GPC5: variants seen among roughly 807,000 people sequenced by gnomAD.
GPC5 encodes the protein glypican 5, also known as glypican-5.
In GPC5, 47 loss-of-function variants were observed where a neutral mutation model predicts 53.9. The ratio of observed to expected loss-of-function variants is 0.87; its 90% CI spans 0.69 to 1.11. GPC5 has a LOEUF of 1.11. Ranked by LOEUF, GPC5 falls within the 50% of genes most tolerant of loss-of-function variation. GPC5 has a pLI of 0.00. For synonymous variants in GPC5, 286 were observed against 263.3 expected (o/e 1.09, Z -0.84); for missense variants, 748 against 713.1 (o/e 1.05, Z -0.56).
chr13:92,170,420 CTTTTTTTTTT>C (rs61418155), intron 7 of GPC5, among the ~76,000 whole-genome samples: 1 of 75,260 alleles, frequency 1.3e-5, no homozygotes, highest in Admixed American at 2.1e-4. Context: ...CTTTTCTTTG[CTTTTTTTTTT>C]TTTTTTTTTT....
At chr13:92,381,962 G>GTATGTATGTATCTATC (rs1555331686) in intron 7 of GPC5, among the ~76,000 whole-genome samples, 18 of 126,296 alleles carry the variant, frequency 1.4e-4, no homozygotes, top group Middle Eastern at 4.0e-3. Context: ...ATGTATGTAT[G>GTATGTATGTATCTATC]TATCTATCTA....
At chr13:91,656,989 C>A (rs2034860784) in intron 2 of GPC5, among the ~76,000 whole-genome samples, 1 of 152,102 alleles carries the variant, frequency 6.6e-6, no homozygotes, top group South Asian at 2.1e-4. Flanking sequence ...TGGGAACAAT[C>A]CAGGCTCTAC....
chr13:91,470,892 A>G (rs757309295), intron 2 of GPC5, among the ~76,000 whole-genome samples: 1 of 152,134 alleles, frequency 6.6e-6, no homozygotes, highest in African/African-American at 2.4e-5. Context: ...TACCTGGCTC[A>G]ATGGTCCTTT....
chr13:91,816,167 G>A (rs1377088268), intron 5 of GPC5, among the ~76,000 whole-genome samples: 19 of 152,116 alleles, frequency 1.2e-4, no homozygotes, highest in Non-Finnish European at 2.5e-4. Flanking sequence ...ATTTATTTGC[G>A]TGTTGACTGC....
intron 7 of GPC5, among the ~76,000 whole-genome samples, chr13:92,388,338 G>A (rs930503233): frequency 6.6e-6 from 1 of 151,936 alleles, no homozygotes; most frequent in African/African-American, 2.4e-5. Flanking sequence ...GATAAGCTTA[G>A]TATTACCTTA....
At chr13:91,876,455 A>G (rs1247459651) in intron 5 of GPC5, among the ~76,000 whole-genome samples, 1 of 152,188 alleles carries the variant, frequency 6.6e-6, no homozygotes, top group Admixed American at 6.5e-5. Flanking sequence ...GAGATGAGGA[A>G]GTAGTTGGGA....
intron 6 of GPC5, among the ~76,000 whole-genome samples, chr13:92,058,179 T>A (rs117121294): frequency 2.0e-5 from 3 of 152,272 alleles, no homozygotes; most frequent in Non-Finnish European, 2.9e-5. Context: ...TTAGATTTTT[T>A]AAAAAATATA....
chr13:92,162,588 G>A (rs1165035448), intron 7 of GPC5, among the ~76,000 whole-genome samples: 1 of 152,188 alleles, frequency 6.6e-6, no homozygotes, highest in East Asian at 1.9e-4. Flanking sequence ...ACAAAAACGT[G>A]AAGCAGAAAC....
intron 5 of GPC5, among the ~76,000 whole-genome samples, chr13:91,867,899 A>G (rs1387461331): frequency 6.6e-6 from 1 of 152,116 alleles, no homozygotes; most frequent in East Asian, 1.9e-4. Flanking sequence ...TCATGTTGCT[A>G]TAATATCTGT....
At chr13:92,584,350 TGACTCTTGCTATGTTTTAGCAAAAA>T (rs1883467382) in intron 7 of GPC5, among the ~76,000 whole-genome samples, 1 of 152,062 alleles carries the variant, frequency 6.6e-6, no homozygotes, top group Non-Finnish European at 1.5e-5. Flanking sequence ...GGAGCAAAGG[TGACTCTTGCTATGTTTTAGCAAAAA>T]GACTTGCAGG....
chr13:92,237,121 C>G (rs1299201047), intron 7 of GPC5, among the ~76,000 whole-genome samples: 2 of 152,122 alleles, frequency 1.3e-5, no homozygotes, highest in Admixed American at 6.6e-5. Context: ...TGAGCTTTTG[C>G]ATGAGCTCAG....
intron 7 of GPC5, among the ~76,000 whole-genome samples, chr13:92,604,605 G>C (rs1305909796): frequency 6.6e-6 from 1 of 152,084 alleles, no homozygotes; most frequent in Admixed American, 6.5e-5. Context: ...TTAACTTCTT[G>C]TACTATTGTT....
chr13:92,015,895 C>A (rs2040702565), intron 6 of GPC5, among the ~76,000 whole-genome samples: 1 of 151,824 alleles, frequency 6.6e-6, no homozygotes, highest in Non-Finnish European at 1.5e-5. Flanking sequence ...CTTTTAAATG[C>A]TTACACAAAA....
intron 2 of GPC5, among the ~76,000 whole-genome samples, chr13:91,663,253 A>C (rs1363587660): frequency 2.0e-5 from 3 of 152,176 alleles, no homozygotes; most frequent in African/African-American, 7.2e-5. Context: ...TGCCAGGTTT[A>C]GTTCTCATTA....
chr13:92,864,242 C>T (rs2138858292), intron 7 of GPC5, among the ~76,000 whole-genome samples: 1 of 152,230 alleles, frequency 6.6e-6, no homozygotes, highest in African/African-American at 2.4e-5. Context: ...ACTCAAAGGC[C>T]ATATTCCTTA....
intron 5 of GPC5, among the ~76,000 whole-genome samples, chr13:91,765,161 T>A (rs1246704894): frequency 1.3e-5 from 2 of 152,226 alleles, no homozygotes; most frequent in Admixed American, 6.5e-5. Context: ...TGGGCTGCCT[T>A]CCATTTGCGT....
chr13:91,535,769 AG>A (rs967036634), intron 2 of GPC5, among the ~76,000 whole-genome samples: 1 of 152,162 alleles, frequency 6.6e-6, no homozygotes, highest in African/African-American at 2.4e-5. Context: ...TCCCACCCAG[AG>A]GCCTAGTACT....
intron 2 of GPC5, among the ~76,000 whole-genome samples, chr13:91,499,959 G>A (rs745638232): frequency 6.6e-6 from 1 of 152,170 alleles, no homozygotes; most frequent in Non-Finnish European, 1.5e-5. Context: ...AATTGGTCTT[G>A]TATTCTGGAG....
Position 91,571,802 on chromosome 13 carries a change from T to TAC in GPC5, c.326-121377_326-121376dup, listed in dbSNP as rs1491517527. ...ACACACATATACGTGTGTGTATATA[T>TAC]ACACACACATACGTGTGTGTATATA... On this transcript the variant is annotated intron_variant, in intron 2 of 7. Transcript: ENST00000377067. 1.9e-5 allele frequency among the ~76,000 whole-genome samples: 2 copies of TAC among 103,294 alleles called. 1 individual carries two copies. Among genetic ancestry groups the TAC allele is most frequent in the South Asian group, 5.9e-4 (2 of 3,404 alleles). The allele number at this position is 103,294 out of a possible 152,430, so 67.8% of individuals were successfully genotyped here.
Sources: gnomAD v4.1 joint callset for allele counts (sites outside exome capture counted in the v4.1 genomes callset) on GRCh38, gnomAD v4.1.1 for gene constraint, MANE v1.5 for transcripts, NCBI Gene and HGNC (gene_info 2026-07-23, HGNC 2026-07-21) for gene names.